The following UBR1 variants were observed in gnomAD, a reference collection of about 807,000 sequenced individuals.
The protein encoded by UBR1 is ubiquitin protein ligase E3 component n-recognin 1, also known as E3 ubiquitin-protein ligase UBR1.
UBR1 carries 102 observed loss-of-function variants against 242.1 expected under a neutral mutation model. The ratio of observed to expected loss-of-function variants is 0.42; its 90% confidence interval spans 0.36 to 0.50. The LOEUF (loss-of-function observed/expected upper bound fraction) is 0.50, where lower values mean the gene tolerates loss of function less well. Ranked by LOEUF, UBR1 falls within the 20% of genes least tolerant of loss-of-function variation. UBR1 has a pLI of 0.01. For missense variants in UBR1, 1,772 were observed against 2,101.8 expected, an observed-to-expected ratio of 0.84 and a Z score of 3.07; for synonymous variants, 675 against 684.8, an observed-to-expected ratio of 0.99 and a Z score of 0.22.
At chr15:43,046,519 A>G (rs1389133069) in intron 14 of UBR1, among the ~76,000 whole-genome samples, 1 of 152,228 alleles carries the variant, frequency 6.6e-6, no homozygotes, top group Admixed American at 6.5e-5. Flanking sequence ...CCAAGAGCCT[A>G]GGTAGAGTCA....
intron 3 of UBR1, among the ~76,000 whole-genome samples, chr15:43,082,429 A>C (rs548617764): frequency 2.0e-5 from 3 of 152,302 alleles, no homozygotes; most frequent in African/African-American, 7.2e-5. Context: ...TTCATCACAT[A>C]ATATCTGATC....
intron 37 of UBR1, among the ~76,000 whole-genome samples, chr15:42,983,183 A>C (rs752641920): frequency 7.9e-5 from 12 of 152,204 alleles, no homozygotes; most frequent in Non-Finnish European, 1.2e-4. Context: ...CCATTATTTC[A>C]TAAGAATTTG....
intron 27 of UBR1, among the ~76,000 whole-genome samples, chr15:43,019,256 G>A (rs2033071812): frequency 6.6e-6 from 1 of 151,924 alleles, no homozygotes; most frequent in Non-Finnish European, 1.5e-5. Flanking sequence ...GTAGAGACGG[G>A]GTTTCACCAT....
At position 43,002,557 on chromosome 15, in the gene UBR1, G is replaced by C; in HGVS notation, c.3657C>G (p.Asn1219Lys). The C allele has an allele frequency of 6.2e-7, 1 of 1,613,814 alleles. No homozygotes were observed. The highest frequency in any genetic ancestry group is 8.5e-7 in the Non-Finnish European group (1 of 1,179,894). The change falls in exon 32 of 47, where the codon AAC becomes AAG. Residue 1219 changes from asparagine (N) to lysine (K), a missense_variant and splice_region_variant. By Grantham distance (94) the Asn-to-Lys change is moderately conservative (BLOSUM62 0). Around this residue, in one of 3 missense-constraint regions of UBR1, gnomAD observed 965 missense variants for 1,079.7 expected, o/e 0.89. Transcript: ENST00000290650. ...CCAAAACATAAATTAAAATATACCTGTTTATCTTTTGAGGTTGCAAAGGAA... is the reference window on the plus strand; with the variant it reads ...CCAAAACATAAATTAAAATATACCTCTTTATCTTTTGAGGTTGCAAAGGAA... ...PIIPLQPQKI[N>K]SENADALAQL... is the part of the protein sequence containing the mutation.
intron 41 of UBR1, among the ~76,000 whole-genome samples, chr15:42,964,595 A>G (rs1259271472): frequency 6.6e-6 from 1 of 152,226 alleles, no homozygotes; most frequent in Non-Finnish European, 1.5e-5. Flanking sequence ...GTGTAACCAC[A>G]CTTAGTATAA....
rs1397045147 is a variant in UBR1, at chr15:43,048,504, G to C, written c.1440-13C>G. The C allele has an allele frequency of 5.1e-6, 8 of 1,576,296 alleles. No homozygotes were observed. The African/African-American group carries it at 8.1e-5, about 16-fold the overall frequency. ...GATCAGGATATACCTATCGTTTCAAGAAAGAAAGAAATATTTCATTTATCT... is the reference window on the plus strand; with the variant it reads ...GATCAGGATATACCTATCGTTTCAACAAAGAAAGAAATATTTCATTTATCT... On this transcript the variant is annotated splice_polypyrimidine_tract_variant and intron_variant, in intron 12 of 46. Transcript: ENST00000290650.
chr15:42,970,733 T>A, intron 39 of UBR1, 126 bp from the exon 40 acceptor site: 1 of 915,414 alleles, frequency 1.1e-6, no homozygotes, highest in Non-Finnish European at 1.7e-6. Context: ...TTCCTTTTTT[T>A]TTTTTTGAGA....
At chr15:43,006,947 A>C in intron 30 of UBR1, 132 bp downstream of exon 30, 1 of 841,802 alleles carries the variant, frequency 1.2e-6, no homozygotes, top group Non-Finnish European at 1.9e-6. Context: ...GATTATTATT[A>C]CTTTCTTAAA....
intron 1 of UBR1, among the ~76,000 whole-genome samples, chr15:43,095,482 G>A (rs745738748): frequency 2.7e-5 from 4 of 149,112 alleles, no homozygotes; most frequent in East Asian, 2.0e-4. Context: ...TATCAGTAAC[G>A]TTTACTTACC....
chr15:42,984,472 C>A (rs961185297), intron 36 of UBR1, among the ~76,000 whole-genome samples: 93 of 152,284 alleles, frequency 6.1e-4, no homozygotes, highest in African/African-American at 2.2e-3. Flanking sequence ...ACAGTAGTGT[C>A]AGTATCTGCC....
chr15:43,068,205 T>C (rs1157041659), intron 5 of UBR1, among the ~76,000 whole-genome samples, 169 bp from the exon 6 acceptor site: 1 of 145,718 alleles, frequency 6.9e-6, no homozygotes, highest in Non-Finnish European at 1.5e-5. Context: ...TTTTTTTTTT[T>C]TGAAACAGGG....
intron 22 of UBR1, 142 bp from the exon 23 acceptor site, chr15:43,026,805 C>A: frequency 5.8e-6 from 4 of 686,326 alleles, no homozygotes; most frequent in South Asian, 1.8e-5. Context: ...AATTCCATTG[C>A]AATAATAAAA....
intron 36 of UBR1, among the ~76,000 whole-genome samples, chr15:42,984,674 G>A (rs1189005649): frequency 6.6e-6 from 1 of 152,212 alleles, no homozygotes; most frequent in African/African-American, 2.4e-5. Flanking sequence ...ATCTCTGTAT[G>A]AATTACACTT....
At chr15:43,067,071 T>C (rs1010283017) in intron 6 of UBR1, among the ~76,000 whole-genome samples, 1 of 152,180 alleles carries the variant, frequency 6.6e-6, no homozygotes, top group African/African-American at 2.4e-5. Flanking sequence ...TAAACACAGG[T>C]TTATGAAATA....
Position 43,058,397 on chromosome 15 carries a change from T to C in UBR1, c.1126A>G (p.Ser376Gly). Residue 376 changes from serine (S) to glycine (G), a missense_variant, in exon 10 of 47, where the codon AGC becomes GGC. By Grantham distance (56) the Ser-to-Gly change is moderately conservative (BLOSUM62 0). Coordinates refer to ENST00000290650, the MANE Select transcript of UBR1 (RefSeq NM_174916.3). ...TATTCCATCTCCATAAAAAAACTGC[T>C]GAAGATCAATTCATGAAGGATCTTA... Reference protein sequence around the residue: ...ARKILHELIFSSFFMEMEYKK... With the variant: ...ARKILHELIFGSFFMEMEYKK... 6.2e-7 allele frequency: 1 copy of C among 1,611,668 alleles called. No individual in the cohort carries two copies. Among genetic ancestry groups the C allele is most frequent in the African/African-American group, 1.3e-5 (1 of 75,002 alleles).
rs76405054 is a variant in UBR1 at position 43,053,930 on chromosome 15, G to A, written c.1439+812C>T. On this transcript the variant is annotated intron_variant, in intron 12 of 46. Coordinates refer to ENST00000290650, the MANE Select transcript of UBR1 (RefSeq NM_174916.3). Reference sequence around the variant, plus strand: ...CAACCTCCACCTCCTGCGTTCAAGCGATTCTTCTGCCTCAGCCTCATGGCA... The same window carrying A: ...CAACCTCCACCTCCTGCGTTCAAGCAATTCTTCTGCCTCAGCCTCATGGCA... Among the ~76,000 whole-genome samples, 1,018 of 151,608 alleles carry A rather than the reference G, an allele frequency of 6.7e-3. 2 individuals carry two copies. The highest frequency in any genetic ancestry group is 9.8e-3 in the Non-Finnish European group (666 of 67,972).
rs150355064 is a variant in UBR1, at chr15:43,036,722, T to C, written c.2023-129A>G. On this transcript the variant is annotated intron_variant, in intron 17 of 46. Transcript: ENST00000290650. ...CAAAATCCTTAGTGGCAAAAATAAG[T>C]TGTAAATCTATGAATCACTTAAAGG... The C allele has an allele frequency of 6.5e-4, 425 of 648,896 alleles. 1 individual carries two copies. The African/African-American group carries it at 7.2e-3, about 11-fold the overall frequency. The allele number at this position is 648,896 out of a possible 1,614,324, so 40.2% of individuals were successfully genotyped here.
At chr15:43,045,743 G>A (rs538932131) in intron 14 of UBR1, among the ~76,000 whole-genome samples, 5 of 152,264 alleles carry the variant, frequency 3.3e-5, no homozygotes, top group South Asian at 2.1e-4. Flanking sequence ...TTAGGAAGAC[G>A]TATTTGTGAA....
chr15:42,956,466 C>T (rs552525489), intron 44 of UBR1, among the ~76,000 whole-genome samples: 15 of 152,240 alleles, frequency 9.9e-5, no homozygotes, highest in Admixed American at 5.2e-4. Flanking sequence ...ATTACAGGTG[C>T]GCACCACCAC....
Sources: gnomAD v4.1 joint callset for allele counts (sites outside exome capture counted in the v4.1 genomes callset) on GRCh38, gnomAD v4.1.1 for gene constraint, gnomAD v4.1.1 regional missense constraint, MANE v1.5 for transcripts, NCBI Gene and HGNC (gene_info 2026-07-23, HGNC 2026-07-21) for gene names.